The following KIF26B variants were observed in gnomAD, a reference collection of about 807,000 sequenced individuals.
KIF26B encodes kinesin family member 26B.
Under a neutral mutation model 151.2 loss-of-function variants are expected in KIF26B, and 63 were observed. The ratio of observed to expected loss-of-function variants is 0.42; its 90% CI spans 0.34 to 0.51. The LOEUF is 0.51. KIF26B is among the 20% of genes least tolerant of loss of function. The pLI, the probability that KIF26B is intolerant of heterozygous loss-of-function variation, is 0.07. For synonymous variants in KIF26B, 1,357 were observed against 1,262.1 expected, an observed-to-expected ratio of 1.08 and a Z score of -1.59; for missense variants, 2,813 against 2,913.6, an observed-to-expected ratio of 0.97 and a Z score of 0.79.
rs545637266 is a variant in KIF26B at position 245,703,705 on chromosome 1, T to C, written c.*1099T>C. The C allele has an allele frequency of 6.6e-6, 1 of 152,278 alleles. No homozygotes were observed. The highest frequency in any genetic ancestry group is 2.4e-5 in the African/African-American group (1 of 41,566). 9.4% of individuals were successfully genotyped at this position (152,278 alleles called of 1,614,324 possible). A position where few individuals can be genotyped will look rare whatever the true frequency, so the allele number is the denominator to read the frequency against. ...TGTGTTGTAGATTGATTAAAGTGGG[T>C]TTTTCCCCAGCTGAGAGACCTTCTC... On this transcript the variant is annotated 3_prime_UTR_variant, in exon 15 of 15. Coordinates refer to ENST00000407071, the MANE Select transcript of KIF26B (RefSeq NM_018012.4).
In KIF26B at chr1:245,278,091, G is replaced by A. The variant is rs188386387; in HGVS notation, c.466-88743G>A. On this transcript the variant is annotated intron_variant, in intron 2 of 14. Transcript: ENST00000407071. ...GGAAAATTATTCTAAAAGGGTTAGG[G>A]GAAAGGGAGGTGGCATAATAACAAA... Among the ~76,000 whole-genome samples, 16 of 152,220 alleles carry A rather than the reference G, an allele frequency of 1.1e-4. No homozygotes were observed. In the East Asian group the frequency reaches 3.1e-3, roughly 30 times the overall value.
intron 4 of KIF26B, among the ~76,000 whole-genome samples, chr1:245,529,156 C>T (rs566939894): frequency 1.3e-5 from 2 of 152,124 alleles, no homozygotes; most frequent in African/African-American, 2.4e-5. Flanking sequence ...CTGTGAAGAT[C>T]GGTTGCAGTG....
Position 245,687,128 on chromosome 1 carries a change from A to C in KIF26B, c.4145A>C (p.Glu1382Ala). ...AACACGGCCAATCTGAGCAGCTGCG[A>C]GGGGTACATCCCCATGAAGACCAAT... ...ISNTANLSSC[E>A]GYIPMKTNIT... The change falls in exon 12 of 15, where the codon GAG (glutamate) becomes GCG (alanine). Residue 1382 changes from glutamate to alanine, a missense_variant. Coordinates refer to ENST00000407071, the MANE Select transcript of KIF26B (RefSeq NM_018012.4). The surrounding 1 kb of genome is among the most constrained non-coding windows in gnomAD (Gnocchi z 4.9). 8 of 1,613,418 alleles carry C rather than the reference A, an allele frequency of 5.0e-6. No homozygotes were observed. The highest frequency in any genetic ancestry group is 6.8e-6 in the Non-Finnish European group (8 of 1,179,846).
At chr1:245,693,777 C>T (rs2044655339) in intron 12 of KIF26B, among the ~76,000 whole-genome samples, 2 of 152,194 alleles carry the variant, frequency 1.3e-5, no homozygotes, top group Non-Finnish European at 2.9e-5. Context: ...GGTTCTCAGG[C>T]ACATCCTGGT....
chr1:245,175,750 G>C (rs988384240), intron 2 of KIF26B, among the ~76,000 whole-genome samples: 3 of 151,914 alleles, frequency 2.0e-5, no homozygotes, highest in Non-Finnish European at 2.9e-5. Context: ...TTACTCAAAA[G>C]CCTCTTCGTT....
intron 2 of KIF26B, among the ~76,000 whole-genome samples, chr1:245,177,317 C>T (rs1374425758): frequency 6.6e-6 from 1 of 152,182 alleles, no homozygotes; most frequent in Non-Finnish European, 1.5e-5. Flanking sequence ...TAGGATAACA[C>T]TATCTCTTAA....
intron 2 of KIF26B, among the ~76,000 whole-genome samples, chr1:245,297,513 T>G (rs567874297): frequency 6.6e-6 from 1 of 152,326 alleles, no homozygotes; most frequent in South Asian, 2.1e-4. Context: ...CCATACACTG[T>G]CTTTCTGGTT....
rs146188350 is a variant in KIF26B, at chr1:245,173,604, C to T, written c.465+16921C>T. On this transcript the variant is annotated intron_variant, in intron 2 of 14. Coordinates refer to ENST00000407071, the MANE Select transcript of KIF26B (RefSeq NM_018012.4). Reference sequence around the variant, plus strand: ...CAGTGAGGTTAGATGCCTGGAGACGCGGGCCGGGGAGGCTGTGGTCCTGCA... The same window carrying T: ...CAGTGAGGTTAGATGCCTGGAGACGTGGGCCGGGGAGGCTGTGGTCCTGCA... Among the ~76,000 whole-genome samples, 4 of 152,214 alleles carry T rather than the reference C, an allele frequency of 2.6e-5. No individual in the cohort carries two copies. In the East Asian group the frequency reaches 7.7e-4, roughly 29 times the overall value.
rs1668696184 is a variant in KIF26B at position 245,170,867 on chromosome 1, A to T, written c.465+14184A>T. On this transcript the variant is annotated intron_variant, in intron 2 of 14. Transcript: ENST00000407071. This position sits in a 1 kb window ranked among gnomAD's most constrained non-coding sequence, Gnocchi z 4.4. ...GCAGCAAGCATGAGGTCACTTGTCT[A>T]GACACTGACCCCTCAGGCAGTGTTC... Among the ~76,000 whole-genome samples, 1 of 152,210 alleles carries T rather than the reference A, an allele frequency of 6.6e-6. No homozygotes were observed. The highest frequency in any genetic ancestry group is 6.5e-5 in the Admixed American group (1 of 15,286).
At chr1:245,190,242 G>A (rs998570744) in intron 2 of KIF26B, among the ~76,000 whole-genome samples, 1 of 152,206 alleles carries the variant, frequency 6.6e-6, no homozygotes, top group East Asian at 1.9e-4. Flanking sequence ...GACACAGCCA[G>A]ACCATATCAG....
rs999921724 is a variant in KIF26B at position 245,685,773 on chromosome 1, G to A, written c.2790G>A (p.Gln930=). Residue 930 remains glutamine, a synonymous_variant, in exon 12 of 15, where the codon CAG becomes CAA. Coordinates refer to ENST00000407071, the MANE Select transcript of KIF26B (RefSeq NM_018012.4). ...CLKCNTFAEL[Q]ERLDCIDGSE... ...AGTGCAACACGTTTGCCGAGCTGCAGGAGAGGCTGGACTGCATCGACGGCA... is the reference window on the plus strand; with the variant it reads ...AGTGCAACACGTTTGCCGAGCTGCAAGAGAGGCTGGACTGCATCGACGGCA... 2.5e-6 allele frequency: 4 copies of A among 1,611,964 alleles called. No individual in the cohort carries two copies. In the African/African-American group the frequency reaches 5.3e-5, roughly 22 times the overall value.
intron 9 of KIF26B, among the ~76,000 whole-genome samples, chr1:245,643,783 T>G (rs1197791500): frequency 6.6e-6 from 1 of 152,246 alleles, no homozygotes; most frequent in Non-Finnish European, 1.5e-5. Context: ...TGTATATTTC[T>G]AACTTGACAG....
chr1:245,438,443 C>T (rs1266236740), intron 4 of KIF26B, among the ~76,000 whole-genome samples: 2 of 152,166 alleles, frequency 1.3e-5, no homozygotes, highest in Non-Finnish European at 2.9e-5. Context: ...AGAGGATATA[C>T]TTTATTTTGA....
intron 4 of KIF26B, among the ~76,000 whole-genome samples, chr1:245,430,615 T>C (rs1477915320): frequency 6.6e-6 from 1 of 152,090 alleles, no homozygotes; most frequent in East Asian, 1.9e-4. Flanking sequence ...TGCAGTGAGC[T>C]ACGATCTCAC....
Position 245,426,752 on chromosome 1 carries a change from G to C in KIF26B, c.1166+7007G>C, listed in dbSNP as rs1021506867. 2.0e-5 allele frequency among the ~76,000 whole-genome samples: 3 copies of C among 152,234 alleles called. No homozygotes were observed. The East Asian group carries it at 5.8e-4, about 29-fold the overall frequency. On this transcript the variant is annotated intron_variant, in intron 4 of 14. Coordinates refer to ENST00000407071, the MANE Select transcript of KIF26B (RefSeq NM_018012.4). The stretch of plus-strand genomic sequence containing the variant: ...CAGGCCCTGCCTTCAGGACCACGTG[G>C]CTTCTCTTGTTAGTTCCCTGTGGGG...
intron 5 of KIF26B, among the ~76,000 whole-genome samples, chr1:245,583,851 C>A (rs867700185): frequency 6.6e-6 from 1 of 152,348 alleles, no homozygotes; most frequent in South Asian, 2.1e-4. Context: ...TTTTGAAGGA[C>A]TGGCATATTC....
chr1:245,229,949 A>G (rs1031226717), intron 2 of KIF26B, among the ~76,000 whole-genome samples: 1 of 152,056 alleles, frequency 6.6e-6, no homozygotes, highest in Non-Finnish European at 1.5e-5. Context: ...CCTGGCCAAC[A>G]TGGTAAAACC....
chr1:245,176,752 C>T (rs1329257271), intron 2 of KIF26B, among the ~76,000 whole-genome samples: 1 of 152,154 alleles, frequency 6.6e-6, no homozygotes, highest in Admixed American at 6.5e-5. Context: ...GCGATGGGGC[C>T]TTTGACTTTC....
rs971758111 is a variant in KIF26B at position 245,564,760 on chromosome 1, G to A, written c.1350+23810G>A. On this transcript the variant is annotated intron_variant, in intron 5 of 14. Transcript: ENST00000407071. This position sits in a 1 kb window ranked among gnomAD's most constrained non-coding sequence, Gnocchi z 4.6. ...GACAGTTTTCCCACGGACCAAGGGT[G>A]GTGGTGGGGGATGATGATTTCAGGA... Among the ~76,000 whole-genome samples, 1 of 152,186 alleles carries A rather than the reference G, an allele frequency of 6.6e-6. No homozygotes were observed. The highest frequency in any genetic ancestry group is 1.5e-5 in the Non-Finnish European group (1 of 68,038).
Sources: allele counts gnomAD v4.1 joint callset (sites outside exome capture counted in the v4.1 genomes callset), GRCh38; gene constraint gnomAD v4.1.1; non-coding constraint Gnocchi (gnomAD v3.1); transcripts MANE v1.5; gene names NCBI Gene and HGNC (gene_info 2026-07-23, HGNC 2026-07-21).